Variants in ATL1 observed in about 807,000 individuals in gnomAD.
ATL1 encodes atlastin-1.
ATL1 carries 31 observed loss-of-function variants against 75.5 expected under a neutral mutation model. The observed-to-expected ratio is 0.41, with a 90% CI of 0.31 to 0.55. The LOEUF (loss-of-function observed/expected upper bound fraction) is 0.55. Ranked by LOEUF, ATL1 falls within the 20% of genes least tolerant of loss-of-function variation. The probability of loss-of-function intolerance (pLI) is 0.27; values close to 1 mark genes in which losing one functional copy is unlikely to be tolerated. For missense variants in ATL1, 405 were observed against 662.6 expected, an observed-to-expected ratio of 0.61 and a Z score of 4.27; for synonymous variants, 226 against 233.3, an observed-to-expected ratio of 0.97 and a Z score of 0.28.
intron 1 of ATL1, among the ~76,000 whole-genome samples, chr14:50,554,162 G>T (rs569495000): frequency 2.0e-5 from 3 of 151,718 alleles, no homozygotes; most frequent in African/African-American, 7.3e-5. Flanking sequence ...GGCACTACCT[G>T]TTGTGCCTAT....
intron 13 of ATL1, among the ~76,000 whole-genome samples, chr14:50,631,729 C>T (rs2039583365): frequency 6.6e-6 from 1 of 152,132 alleles, no homozygotes; most frequent in Admixed American, 6.5e-5. Flanking sequence ...AGTGAAGGAT[C>T]CTACTGTGCT....
At chr14:50,571,975 T>A (rs1280954194) in intron 1 of ATL1, 3 of 452,410 alleles carry the variant, frequency 6.6e-6, no homozygotes, top group Middle Eastern at 6.3e-4. Context: ...ATTCCAATAT[T>A]GTTTTGTTGC....
At chr14:50,629,364 C>T (rs915956224) in intron 12 of ATL1, among the ~76,000 whole-genome samples, 2 of 151,984 alleles carry the variant, frequency 1.3e-5, no homozygotes, top group Non-Finnish European at 2.9e-5. Flanking sequence ...GGCGGATCAT[C>T]TGAGGTCGGG....
chr14:50,609,902 C>A (rs999542311), intron 6 of ATL1, among the ~76,000 whole-genome samples: 1 of 151,802 alleles, frequency 6.6e-6, no homozygotes, highest in Non-Finnish European at 1.5e-5. Context: ...TTTTTTTGTT[C>A]GTGATACTAG....
At position 50,586,652 on chromosome 14, in the gene ATL1, C is replaced by T. The variant is rs185983303; in HGVS notation, c.35-1179C>T. Among the ~76,000 whole-genome samples the T allele has an allele frequency of 2.6e-3, 401 of 152,052 alleles. 3 individuals carry two copies. Among genetic ancestry groups the T allele is most frequent in the African/African-American group, 8.9e-3 (371 of 41,490 alleles). ...TTCTGTTCTTATGATATAAAGCAAA[C>T]GAGCCTATGTATGTGTTGTCCAAAA... is the stretch of plus-strand genomic sequence containing the variant. On this transcript the variant is annotated intron_variant, in intron 1 of 13. Transcript: ENST00000358385.
intron 1 of ATL1, among the ~76,000 whole-genome samples, chr14:50,581,447 T>C (rs1286084630): frequency 6.6e-6 from 1 of 152,158 alleles, no homozygotes; most frequent in Non-Finnish European, 1.5e-5. Flanking sequence ...TGGCTTTTCA[T>C]AAAGCTATTT....
At chr14:50,546,512 C>G (rs1665662213) in intron 1 of ATL1, among the ~76,000 whole-genome samples, 1 of 152,088 alleles carries the variant, frequency 6.6e-6, no homozygotes, top group South Asian at 2.1e-4. Flanking sequence ...AAGTCAAGTA[C>G]TTTTTAAGTT....
upstream of ATL1, chr14:50,559,055 C>T (rs1461406558): frequency 6.6e-6 from 1 of 152,176 alleles, no homozygotes; most frequent in Non-Finnish European, 1.5e-5. Context: ...TATAAACACA[C>T]CTCTGGTATA....
rs189131695 is a variant in ATL1 at position 50,567,087 on chromosome 14, C to T, written c.34+6788C>T. 2.1e-3 allele frequency among the ~76,000 whole-genome samples: 314 copies of T among 152,300 alleles called. 1 individual carries two copies. Among genetic ancestry groups the T allele is most frequent in the Middle Eastern group, 0.01 (3 of 294 alleles). On this transcript the variant is annotated intron_variant, in intron 1 of 13. Coordinates refer to ENST00000358385, the MANE Select transcript of ATL1 (RefSeq NM_015915.5). ...ACTGTCTATCTCCCGAACTCTTCAT[C>T]TTGCAAAACTGAAACTCTGTGCCCA...
chr14:50,632,054 C>T, intron 13 of ATL1, 175 bp from the exon 14 acceptor site: 1 of 488,876 alleles, frequency 2.0e-6, no homozygotes, highest in Non-Finnish European at 3.7e-6. Context: ...TGTTAATGCA[C>T]ACATTGAGGA....
chr14:50,558,106 T>A (rs529260727), upstream of ATL1, among the ~76,000 whole-genome samples: 1 of 152,274 alleles, frequency 6.6e-6, no homozygotes, highest in South Asian at 2.1e-4. Flanking sequence ...GCTACTTAAT[T>A]TAAAAGACAT....
chr14:50,583,663 T>C (rs745613129), intron 1 of ATL1, among the ~76,000 whole-genome samples: 8 of 152,176 alleles, frequency 5.3e-5, no homozygotes, highest in Non-Finnish European at 1.0e-4. Context: ...TAAATGTAAC[T>C]TCAGTAAAGA....
At chr14:50,554,221 A>G (rs933927757) in intron 1 of ATL1, among the ~76,000 whole-genome samples, 3 of 152,178 alleles carry the variant, frequency 2.0e-5, no homozygotes, top group Non-Finnish European at 4.4e-5. Flanking sequence ...TCATTTGTCA[A>G]CTCAAATTCG....
intron 1 of ATL1, among the ~76,000 whole-genome samples, chr14:50,570,641 G>T (rs1390199344): frequency 2.0e-5 from 3 of 152,098 alleles, no homozygotes; most frequent in Admixed American, 6.6e-5. Flanking sequence ...GTCTCCTGCT[G>T]GTTCTTTGAG....
At position 50,609,507 on chromosome 14, in the gene ATL1, A is replaced by T. The variant is rs111697724; in HGVS notation, c.631-3752A>T. ...AAAATGAGTAATTATGGGATATCAT[A>T]ATTCAACCATCCCTGATGCATTAAG... On this transcript the variant is annotated intron_variant, in intron 6 of 13. Coordinates refer to ENST00000358385, the MANE Select transcript of ATL1 (RefSeq NM_015915.5). Among the ~76,000 whole-genome samples, 45 of 152,140 alleles carry T rather than the reference A, an allele frequency of 3.0e-4. 2 individuals are homozygous for T. Among genetic ancestry groups the T allele is most frequent in the Admixed American group, 2.4e-3 (36 of 15,240 alleles).
chr14:50,622,850 T>C (rs186541993), intron 10 of ATL1, among the ~76,000 whole-genome samples: 21 of 152,368 alleles, frequency 1.4e-4, no homozygotes, highest in African/African-American at 5.0e-4. Context: ...ATGTACTATG[T>C]ATTATTCCCC....
At chr14:50,537,604 G>A (rs533516978) in intron 1 of ATL1, among the ~76,000 whole-genome samples, 72 of 152,348 alleles carry the variant, frequency 4.7e-4, no homozygotes, top group African/African-American at 1.6e-3. Flanking sequence ...GCCAGAGGGA[G>A]GCTGTACCCT....
chr14:50,555,235 A>G (rs148949633), upstream of ATL1, among the ~76,000 whole-genome samples: 70 of 151,870 alleles, frequency 4.6e-4, no homozygotes, highest in African/African-American at 1.6e-3. Context: ...AAGATGGAAG[A>G]AGGCATGAAG....
intron 1 of ATL1, among the ~76,000 whole-genome samples, chr14:50,555,078 A>G (rs1309417551): frequency 1.3e-5 from 2 of 152,142 alleles, no homozygotes; most frequent in African/African-American, 2.4e-5. Context: ...TTGAGTGGAG[A>G]TGATGTGTGC....
Sources: gnomAD v4.1 joint callset for allele counts (sites outside exome capture counted in the v4.1 genomes callset) on GRCh38, gnomAD v4.1.1 for gene constraint, MANE v1.5 for transcripts, NCBI Gene and HGNC (gene_info 2026-07-23, HGNC 2026-07-21) for gene names.